Variants in DNAJC1 observed in about 807,000 individuals in gnomAD.
The protein encoded by DNAJC1 is DnaJ heat shock protein family (Hsp40) member C1, also known as dnaJ homolog subfamily C member 1.
In DNAJC1, 58 loss-of-function variants were observed where a neutral mutation model predicts 76.6. That is an observed-to-expected ratio of 0.76 (90% CI 0.61 to 0.94). The LOEUF (loss-of-function observed/expected upper bound fraction) is 0.94. Ranked by LOEUF, DNAJC1 falls within the 40% of genes least tolerant of loss-of-function variation. The pLI is 0.00. For missense variants in DNAJC1, 689 were observed against 677.3 expected (o/e 1.02, Z -0.19); for synonymous variants, 258 against 267.9 (o/e 0.96, Z 0.36).
At chr10:21,995,119 T>TTTTAAA (rs1838395341) in intron 1 of DNAJC1, among the ~76,000 whole-genome samples, 1 of 151,918 alleles carries the variant, frequency 6.6e-6, no homozygotes, top group Admixed American at 6.6e-5. Context: ...TTTCTAAAAG[T>TTTTAAA]CAGAGGTTTC....
At chr10:21,765,930 G>A (rs968979320) in intron 10 of DNAJC1, among the ~76,000 whole-genome samples, 5 of 152,224 alleles carry the variant, frequency 3.3e-5, no homozygotes, top group African/African-American at 7.2e-5. Context: ...GACAGGGGTG[G>A]ACAGTGCAGG....
intron 9 of DNAJC1, among the ~76,000 whole-genome samples, chr10:21,803,037 T>C (rs372797658): frequency 1.2e-4 from 19 of 152,096 alleles, no homozygotes; most frequent in African/African-American, 4.6e-4. Context: ...TAAAAAAATA[T>C]TGCTTGTGTT....
At chr10:21,851,072 A>G (rs951747992) in intron 8 of DNAJC1, among the ~76,000 whole-genome samples, 3 of 152,214 alleles carry the variant, frequency 2.0e-5, no homozygotes, top group Non-Finnish European at 2.9e-5. Flanking sequence ...AAGAAAGCAT[A>G]GGGGTAAAAT....
chr10:21,786,463 TAGAGAGAGAG>T (rs1159399044), intron 9 of DNAJC1, among the ~76,000 whole-genome samples: 5 of 23,418 alleles, frequency 2.1e-4, no homozygotes, highest in Admixed American at 7.2e-4. Flanking sequence ...TATATATATA[TAGAGAGAGAG>T]AGAGAGAGAG....
At chr10:21,771,805 T>C (rs1000207221) in intron 9 of DNAJC1, among the ~76,000 whole-genome samples, 3 of 152,218 alleles carry the variant, frequency 2.0e-5, no homozygotes, top group African/African-American at 7.2e-5. Context: ...GCTCAAACAC[T>C]TCTCTTGAGA....
chr10:21,910,834 G>GGAGAGGAGAGGAGAGGAC (rs1564824869), intron 6 of DNAJC1, among the ~76,000 whole-genome samples: 145 of 10,940 alleles, frequency 0.013, 3 homozygotes, highest in South Asian at 0.038. Flanking sequence ...AAAGGAAGGA[G>GGAGAGGAGAGGAGAGGAC]AGGAGAGGAG....
intron 6 of DNAJC1, among the ~76,000 whole-genome samples, chr10:21,915,450 C>A (rs1369408178): frequency 6.6e-6 from 1 of 152,214 alleles, no homozygotes; most frequent in Non-Finnish European, 1.5e-5. Flanking sequence ...AGGTCACTTG[C>A]TGGAAGCCTC....
At chr10:21,825,685 T>C (rs911791337) in intron 8 of DNAJC1, among the ~76,000 whole-genome samples, 2 of 152,218 alleles carry the variant, frequency 1.3e-5, no homozygotes, top group Non-Finnish European at 2.9e-5. Flanking sequence ...TGCCTTCACA[T>C]TTCTTTTTTT....
intron 8 of DNAJC1, among the ~76,000 whole-genome samples, chr10:21,830,287 T>C (rs745853404): frequency 1.3e-5 from 2 of 152,242 alleles, no homozygotes; most frequent in Non-Finnish European, 2.9e-5. Context: ...TAAGGGTCCA[T>C]GAGTGGCAAA....
At chr10:21,888,980 A>C (rs1347626636) in intron 7 of DNAJC1, among the ~76,000 whole-genome samples, 4 of 152,150 alleles carry the variant, frequency 2.6e-5, no homozygotes, top group Non-Finnish European at 5.9e-5. Context: ...TACATAAATA[A>C]ATAAGCTTTA....
chr10:21,934,099 T>A (rs552411291), intron 1 of DNAJC1, among the ~76,000 whole-genome samples: 1 of 152,096 alleles, frequency 6.6e-6, no homozygotes. Flanking sequence ...GTTCCATGCA[T>A]GTTACTGACC....
chr10:21,845,239 T>C (rs1179657205), intron 8 of DNAJC1, among the ~76,000 whole-genome samples: 1 of 152,160 alleles, frequency 6.6e-6, no homozygotes, highest in Non-Finnish European at 1.5e-5. Flanking sequence ...TGCCATTGCA[T>C]AGATTCTGAT....
chr10:21,764,190 T>A (rs1248180251), intron 10 of DNAJC1, among the ~76,000 whole-genome samples: 1 of 152,180 alleles, frequency 6.6e-6, no homozygotes, highest in African/African-American at 2.4e-5. Flanking sequence ...TACTATGGAC[T>A]ACTATGGAGC....
At chr10:21,809,539 A>G (rs962741695) in intron 8 of DNAJC1, among the ~76,000 whole-genome samples, 2 of 151,228 alleles carry the variant, frequency 1.3e-5, no homozygotes, top group African/African-American at 2.4e-5. Flanking sequence ...ACATAATAAT[A>G]TAACATATTA....
At chr10:21,779,365 C>T (rs192499243) in intron 9 of DNAJC1, among the ~76,000 whole-genome samples, 4 of 152,320 alleles carry the variant, frequency 2.6e-5, no homozygotes, top group East Asian at 3.9e-4. Context: ...CAACTGACAC[C>T]TCACACGGCC....
At chr10:21,842,336 A>G (rs1835588173) in intron 8 of DNAJC1, among the ~76,000 whole-genome samples, 2 of 152,156 alleles carry the variant, frequency 1.3e-5, no homozygotes, top group Non-Finnish European at 2.9e-5. Context: ...CAGGCATGAG[A>G]TAATAAGAGA....
intron 7 of DNAJC1, among the ~76,000 whole-genome samples, chr10:21,895,509 T>C (rs1453058449): frequency 6.6e-6 from 1 of 152,224 alleles, no homozygotes; most frequent in East Asian, 1.9e-4. Flanking sequence ...TCATGGCTTC[T>C]CTTGACTACT....
chr10:21,783,573 A>G (rs1391083404), intron 9 of DNAJC1, among the ~76,000 whole-genome samples: 2 of 152,186 alleles, frequency 1.3e-5, no homozygotes, highest in Non-Finnish European at 2.9e-5. Flanking sequence ...TATGGAACCA[A>G]AAAAGAGCCC....
chr10:21,894,299 G>A (rs1168917500), intron 7 of DNAJC1, among the ~76,000 whole-genome samples: 6 of 152,140 alleles, frequency 3.9e-5, no homozygotes, highest in African/African-American at 7.2e-5. Context: ...GGCTGGGCAC[G>A]ACGGCTCACG....
Sources: allele counts gnomAD v4.1 joint callset (sites outside exome capture counted in the v4.1 genomes callset), GRCh38; gene constraint gnomAD v4.1.1; transcripts MANE v1.5; gene names NCBI Gene and HGNC (gene_info 2026-07-23, HGNC 2026-07-21).